IQCK: variants seen among roughly 807,000 people sequenced by gnomAD.
IQCK encodes IQ motif containing K.
A neutral mutation model predicts 28.1 loss-of-function variants in IQCK; 29 were observed. That is an observed-to-expected ratio of 1.03 (90% confidence interval 0.77 to 1.41). IQCK has a LOEUF of 1.41. IQCK is among the 40% of genes most tolerant of loss of function. IQCK has a pLI of 0.00. For missense variants in IQCK, 359 were observed against 314.7 expected, an observed-to-expected ratio of 1.14 and a Z score of -1.07; for synonymous variants, 113 against 115.1, an observed-to-expected ratio of 0.98 and a Z score of 0.12.
chr16:19,742,055 G>A (rs1018872688), intron 4 of IQCK, among the ~76,000 whole-genome samples: 2 of 152,236 alleles, frequency 1.3e-5, no homozygotes, highest in South Asian at 2.1e-4. Flanking sequence ...GCAGGCACAC[G>A]GGAGTTCAAA....
chr16:19,777,469 C>G (rs971978702), intron 6 of IQCK, among the ~76,000 whole-genome samples: 1 of 152,102 alleles, frequency 6.6e-6, no homozygotes, highest in Non-Finnish European at 1.5e-5. Flanking sequence ...AAAAAAAATC[C>G]TTTTAATTTA....
At chr16:19,856,780 T>C in exon 10 of IQCK, 2 of 517,388 alleles carry the variant, frequency 3.9e-6, no homozygotes, top group Non-Finnish European at 6.8e-6. Flanking sequence ...TATTCATTCA[T>C]CCAGATTACT....
At chr16:19,774,970 G>A (rs944723026) in intron 6 of IQCK, among the ~76,000 whole-genome samples, 1 of 152,132 alleles carries the variant, frequency 6.6e-6, no homozygotes, top group African/African-American at 2.4e-5. Context: ...GGCCTTGCCT[G>A]TAATCCCAGC....
chr16:19,733,735 G>T, exon 3 of IQCK: 1 of 1,614,184 alleles, frequency 6.2e-7, no homozygotes, highest in Non-Finnish European at 8.5e-7. Context: ...CATGGCTTCA[G>T]TGCAGAGCAC....
At position 19,723,629 on chromosome 16, in the gene IQCK, C is replaced by T. The variant is rs150651678; in HGVS notation, c.181+5142C>T. 9.9e-3 allele frequency among the ~76,000 whole-genome samples: 1,507 copies of T among 152,180 alleles called. 10 individuals are homozygous for T. Among genetic ancestry groups the T allele is most frequent in the Non-Finnish European group, 0.014 (942 of 68,018 alleles). On this transcript the variant is annotated intron_variant, in intron 1 of 7. Coordinates refer to ENST00000564186, the Ensembl canonical transcript of IQCK. ...GTTTTAAAGCATGGACTGGGAGCAC[C>T]TACATCAAAATCTCCTGGATACATG... is the stretch of plus-strand genomic sequence containing the variant.
Position 19,769,417 on chromosome 16 carries a change from G to A in IQCK, c.605+5305G>A, listed in dbSNP as rs147746016. Among the ~76,000 whole-genome samples, 718 of 152,292 alleles carry A rather than the reference G, an allele frequency of 4.7e-3. 5 individuals are homozygous for A. Among genetic ancestry groups the A allele is most frequent in the African/African-American group, 0.017 (699 of 41,572 alleles). ...CAGTGATACAGCTACAAATGGGATCGTGAACAAGCCCAACCTATAGTAACA... is the reference window on the plus strand; with the variant it reads ...CAGTGATACAGCTACAAATGGGATCATGAACAAGCCCAACCTATAGTAACA... On this transcript the variant is annotated intron_variant, in intron 6 of 7. Coordinates refer to ENST00000564186, the Ensembl canonical transcript of IQCK.
chr16:19,805,642 C>G (rs999307699), intron 7 of IQCK, among the ~76,000 whole-genome samples: 6 of 152,198 alleles, frequency 3.9e-5, no homozygotes, highest in African/African-American at 1.4e-4. Context: ...CCCCCAAACT[C>G]CAAAACTCAG....
chr16:19,735,556 C>A (rs370519860), intron 4 of IQCK, 106 bp downstream of exon 4: 4 of 925,176 alleles, frequency 4.3e-6, no homozygotes, highest in Non-Finnish European at 7.0e-6. Flanking sequence ...CCAGATGACC[C>A]CTTCGGGAGG....
At chr16:19,830,191 C>G (rs1004309576), downstream of IQCK, among the ~76,000 whole-genome samples, 1 of 152,190 alleles carries the variant, frequency 6.6e-6, no homozygotes, top group Admixed American at 6.5e-5. Flanking sequence ...GGCCTCTGTT[C>G]CATGCACAAC....
chr16:19,744,722 G>C (rs1178173286), intron 4 of IQCK, among the ~76,000 whole-genome samples: 1 of 152,206 alleles, frequency 6.6e-6, no homozygotes, highest in Non-Finnish European at 1.5e-5. Context: ...TATGGCATTA[G>C]AGTGACAATC....
At chr16:19,782,878 G>A (rs1376872491) in intron 6 of IQCK, among the ~76,000 whole-genome samples, 1 of 152,106 alleles carries the variant, frequency 6.6e-6, no homozygotes. Context: ...ATCTAAAAAA[G>A]AGAAAAGAAG....
At chr16:19,821,560 G>T (rs1055634580) in intron 7 of IQCK, among the ~76,000 whole-genome samples, 3 of 152,186 alleles carry the variant, frequency 2.0e-5, no homozygotes, top group Admixed American at 6.5e-5. Flanking sequence ...CATTAGCTGG[G>T]CATGGTAGCA....
intron 7 of IQCK, among the ~76,000 whole-genome samples, chr16:19,802,555 CTGT>C (rs528187256): frequency 4.0e-5 from 5 of 126,074 alleles, no homozygotes; most frequent in South Asian, 3.0e-4. Flanking sequence ...GAAATATTGG[CTGT>C]TGTTGTTATT....
intron 6 of IQCK, among the ~76,000 whole-genome samples, chr16:19,770,453 C>T (rs748380295): frequency 6.6e-6 from 1 of 152,146 alleles, no homozygotes; most frequent in Non-Finnish European, 1.5e-5. Context: ...AAGGCATTGG[C>T]AGAGCCTAAT....
downstream of IQCK, among the ~76,000 whole-genome samples, chr16:19,831,644 G>T (rs1393671112): frequency 2.7e-5 from 4 of 150,860 alleles, no homozygotes; most frequent in African/African-American, 9.8e-5. Flanking sequence ...AATGAAAATG[G>T]TTTTTCAACT....
At chr16:19,744,925 G>A (rs187448465) in intron 4 of IQCK, among the ~76,000 whole-genome samples, 3 of 152,300 alleles carry the variant, frequency 2.0e-5, no homozygotes, top group Admixed American at 6.5e-5. Context: ...TGTGTATAGC[G>A]ATTTATGCAG....
intron 7 of IQCK, among the ~76,000 whole-genome samples, chr16:19,824,699 T>G (rs1445269134): frequency 2.6e-5 from 4 of 152,210 alleles, no homozygotes; most frequent in Non-Finnish European, 5.9e-5. Context: ...CTTCCAGTCT[T>G]GGAATCTGCT....
At chr16:19,789,909 T>TA (rs2151732731) in intron 7 of IQCK, among the ~76,000 whole-genome samples, 1 of 113,768 alleles carries the variant, frequency 8.8e-6, no homozygotes, top group Admixed American at 7.6e-5. Context: ...GATGAAAAGA[T>TA]AAGCTTTTTT....
chr16:19,827,001 C>T (rs376318161), intron 7 of IQCK, 25 bp from the exon 8 acceptor site: 1 of 1,525,184 alleles, frequency 6.6e-7, no homozygotes, highest in African/African-American at 1.4e-5. Context: ...CGAAAAGGGA[C>T]TAAAGTTTTA....
Sources: allele counts gnomAD v4.1 joint callset (sites outside exome capture counted in the v4.1 genomes callset), GRCh38; gene constraint gnomAD v4.1.1; transcripts MANE v1.5; gene names NCBI Gene and HGNC (gene_info 2026-07-23, HGNC 2026-07-21).